Variants in SDHAF3 observed in about 807,000 individuals in gnomAD.
The protein encoded by SDHAF3 is succinate dehydrogenase complex assembly factor 3.
SDHAF3 carries 18 observed loss-of-function variants against 11.5 expected under a neutral mutation model. That is an observed-to-expected ratio of 1.56 (90% confidence interval 1.08 to 2.32). SDHAF3 has a LOEUF of 2.32. Ranked by LOEUF, SDHAF3 falls within the 30% of genes most tolerant of loss-of-function variation. The pLI, the probability that SDHAF3 is intolerant of heterozygous loss-of-function variation, is 0.00. For missense variants in SDHAF3, 200 were observed against 154.4 expected (o/e 1.30, Z -1.57); for synonymous variants, 72 against 59.3 (o/e 1.21, Z -0.99).
At chr7:97,165,316 T>G (rs2115726802) in intron 1 of SDHAF3, among the ~76,000 whole-genome samples, 1 of 149,286 alleles carries the variant, frequency 6.7e-6, no homozygotes, top group Admixed American at 6.7e-5. Flanking sequence ...ATAAATTTCT[T>G]GACTTCACAT....
intron 1 of SDHAF3, among the ~76,000 whole-genome samples, chr7:97,159,903 G>A (rs926114846): frequency 3.3e-5 from 5 of 152,176 alleles, no homozygotes; most frequent in Non-Finnish European, 7.3e-5. Context: ...TAGACCATTG[G>A]TGTTCTCTAC....
intron 1 of SDHAF3, chr7:97,142,923 G>A (rs1363094266): frequency 1.6e-5 from 2 of 122,082 alleles, no homozygotes; most frequent in African/African-American, 6.3e-5. Flanking sequence ...TTTAGACAGA[G>A]TCTCACTCTG....
intron 1 of SDHAF3, chr7:97,136,286 A>G: frequency 4.2e-6 from 2 of 480,486 alleles, no homozygotes; most frequent in Non-Finnish European, 7.5e-6. Flanking sequence ...TTACTAATTA[A>G]AAGAGTTCTT....
At chr7:97,159,776 C>T (rs1789370758) in intron 1 of SDHAF3, among the ~76,000 whole-genome samples, 1 of 152,114 alleles carries the variant, frequency 6.6e-6, no homozygotes, top group African/African-American at 2.4e-5. Flanking sequence ...AGATTTAGTT[C>T]TTTTTTTCTT....
intron 1 of SDHAF3, among the ~76,000 whole-genome samples, chr7:97,138,889 G>A (rs187354286): frequency 6.6e-5 from 10 of 152,270 alleles, no homozygotes; most frequent in East Asian, 1.9e-4. Flanking sequence ...TGCAGGAGGC[G>A]CCTACCCACT....
chr7:97,126,610 G>T (rs531868307), intron 1 of SDHAF3, among the ~76,000 whole-genome samples: 1 of 152,214 alleles, frequency 6.6e-6, no homozygotes, highest in African/African-American at 2.4e-5. Flanking sequence ...GAGGAAAACA[G>T]CCTACTCAAG....
At chr7:97,122,518 T>TTG (rs1791517559) in intron 1 of SDHAF3, among the ~76,000 whole-genome samples, 2 of 152,064 alleles carry the variant, frequency 1.3e-5, no homozygotes, top group Non-Finnish European at 2.9e-5. Context: ...TTTTTTTTTT[T>TTG]TCTTTTAAAG....
intron 1 of SDHAF3, among the ~76,000 whole-genome samples, chr7:97,161,632 G>A (rs1445706088): frequency 2.0e-5 from 3 of 151,870 alleles, no homozygotes; most frequent in Non-Finnish European, 4.4e-5. Context: ...TCCCCTCCCT[G>A]TGTACATATA....
At chr7:97,134,603 T>G (rs1006553146) in intron 1 of SDHAF3, among the ~76,000 whole-genome samples, 1 of 152,104 alleles carries the variant, frequency 6.6e-6, no homozygotes, top group Non-Finnish European at 1.5e-5. Context: ...CCTGCCAACA[T>G]GCCTGGCTAA....
chr7:97,137,475 G>A lies in SDHAF3; in HGVS notation c.174+19578G>A, dbSNP rs550805434. Among the ~76,000 whole-genome samples the A allele has an allele frequency of 2.6e-5, 4 of 152,300 alleles. No homozygotes were observed. The South Asian group carries it at 8.3e-4, about 32-fold the overall frequency. On this transcript the variant is annotated intron_variant, in intron 1 of 1. Transcript: ENST00000432641. ...AGATCAAGTTCAAGTCAAGGATATG[G>A]AGAAATTGTTCAAAATGTAGGCCTT...
At chr7:97,168,795 CCTTTT>C (rs1335393838) in intron 1 of SDHAF3, among the ~76,000 whole-genome samples, 3 of 152,066 alleles carry the variant, frequency 2.0e-5, no homozygotes, top group Admixed American at 2.0e-4. Context: ...ATTTTTGTTC[CCTTTT>C]CTTTTAGCCT....
At chr7:97,127,120 T>C (rs937002483) in intron 1 of SDHAF3, among the ~76,000 whole-genome samples, 2 of 152,166 alleles carry the variant, frequency 1.3e-5, no homozygotes, top group Non-Finnish European at 2.9e-5. Context: ...TCGCCCTCCA[T>C]GGGCTGCACC....
chr7:97,134,003 A>G (rs1023483958), intron 1 of SDHAF3, among the ~76,000 whole-genome samples: 1 of 152,224 alleles, frequency 6.6e-6, no homozygotes, highest in African/African-American at 2.4e-5. Context: ...CTTTGGTGCA[A>G]TAACTCTTTA....
At chr7:97,175,985 A>G (rs752713239) in intron 1 of SDHAF3, among the ~76,000 whole-genome samples, 1 of 152,178 alleles carries the variant, frequency 6.6e-6, no homozygotes, top group Non-Finnish European at 1.5e-5. Flanking sequence ...CCCTTGAATT[A>G]TGGCCATATC....
chr7:97,134,318 G>T (rs1791714406), intron 1 of SDHAF3, among the ~76,000 whole-genome samples: 1 of 152,148 alleles, frequency 6.6e-6, no homozygotes, highest in Non-Finnish European at 1.5e-5. Flanking sequence ...TATTTTATAA[G>T]CTATAGATAT....
chr7:97,165,236 G>A (rs895723858), intron 1 of SDHAF3, among the ~76,000 whole-genome samples: 4 of 152,038 alleles, frequency 2.6e-5, no homozygotes, highest in East Asian at 3.9e-4. Flanking sequence ...GCAGTGAGCC[G>A]AGATCGTGCC....
rs867088712 is a variant in SDHAF3 at position 97,118,558 on chromosome 7, T to G, written c.174+661T>G. ...GCAATAAGTCGTTTGACTTTTTTTT[T>G]TTTTTTTTGAGTAAAGGAAAAAAGA... On this transcript the variant is annotated intron_variant, in intron 1 of 1. Coordinates refer to ENST00000432641, the MANE Select transcript of SDHAF3 (RefSeq NM_020186.3). Among the ~76,000 whole-genome samples, 381 of 152,264 alleles carry G rather than the reference T, an allele frequency of 2.5e-3. 1 individual carries two copies. Among genetic ancestry groups the G allele is most frequent in the Middle Eastern group, 0.02 (6 of 294 alleles).
intron 1 of SDHAF3, among the ~76,000 whole-genome samples, chr7:97,161,514 A>G (rs1789408742): frequency 6.6e-6 from 1 of 152,154 alleles, no homozygotes; most frequent in South Asian, 2.1e-4. Context: ...TACACGTGCC[A>G]TGGTGCTTTG....
At chr7:97,139,838 T>C (rs1789002489) in intron 1 of SDHAF3, among the ~76,000 whole-genome samples, 1 of 152,244 alleles carries the variant, frequency 6.6e-6, no homozygotes, top group Admixed American at 6.5e-5. Flanking sequence ...TTGACTGTTT[T>C]CTTTTACGGT....
Sources: allele counts gnomAD v4.1 joint callset (sites outside exome capture counted in the v4.1 genomes callset), GRCh38; gene constraint gnomAD v4.1.1; transcripts MANE v1.5; gene names NCBI Gene and HGNC (gene_info 2026-07-23, HGNC 2026-07-21).